The following IL36G variants were observed in gnomAD, a reference collection of about 807,000 sequenced individuals.
The protein encoded by IL36G is interleukin-36 gamma.
A neutral mutation model predicts 13.5 loss-of-function variants in IL36G; 10 were observed. The observed-to-expected ratio is 0.74, with a 90% CI of 0.46 to 1.26. The LOEUF is 1.26. IL36G is among the 50% of genes most tolerant of loss of function. The pLI is 0.00. For missense variants in IL36G, 199 were observed against 203.0 expected (o/e 0.98, Z 0.12); for synonymous variants, 84 against 74.0 (o/e 1.13, Z -0.69).
At chr2:112,979,917 C>G in intron 3 of IL36G, 92 bp from the exon 4 acceptor site, 1 of 1,296,338 alleles carries the variant, frequency 7.7e-7, no homozygotes, top group Non-Finnish European at 1.1e-6. Flanking sequence ...CAGCTCTCTT[C>G]CAGATCCACT....
At chr2:112,982,305 T>C (rs1021525876) in intron 4 of IL36G, among the ~76,000 whole-genome samples, 1 of 152,174 alleles carries the variant, frequency 6.6e-6, no homozygotes, top group Non-Finnish European at 1.5e-5. Flanking sequence ...TGAGGGCACG[T>C]CCCAGGACCA....
At chr2:112,981,176 G>A in intron 4 of IL36G, 3 of 1,190,958 alleles carry the variant, frequency 2.5e-6, no homozygotes, top group South Asian at 2.4e-5. Flanking sequence ...CTTGGCATCT[G>A]CAGCACCTTC....
At chr2:112,980,321 A>G (rs1684240633) in intron 4 of IL36G, among the ~76,000 whole-genome samples, 173 bp downstream of exon 4, 1 of 151,878 alleles carries the variant, frequency 6.6e-6, no homozygotes, top group South Asian at 2.1e-4. Flanking sequence ...GGCTGTCAGT[A>G]GTTAAGGTCC....
chr2:112,981,328 A>G (rs1684257624), intron 4 of IL36G: 1 of 855,238 alleles, frequency 1.2e-6, no homozygotes, highest in Non-Finnish European at 2.0e-6. Context: ...TGGCCTCTGG[A>G]TTTGGAGGAG....
At chr2:112,980,171 T>A in intron 4 of IL36G, 23 bp downstream of exon 4, 1 of 1,601,646 alleles carries the variant, frequency 6.2e-7, no homozygotes, top group Non-Finnish European at 8.5e-7. Context: ...GAAAAATATT[T>A]AAAAAGCCTT....
At chr2:112,978,469 T>C (rs1684203041) in intron 1 of IL36G, among the ~76,000 whole-genome samples, 151 bp from the exon 2 acceptor site, 1 of 152,190 alleles carries the variant, frequency 6.6e-6, no homozygotes, top group African/African-American at 2.4e-5. Context: ...TCAAGTTTCG[T>C]CCCAGATGTG....
At chr2:112,980,944 G>A (rs1684250443) in intron 4 of IL36G, among the ~76,000 whole-genome samples, 1 of 152,206 alleles carries the variant, frequency 6.6e-6, no homozygotes, top group Admixed American at 6.5e-5. Flanking sequence ...AAACTAGAAG[G>A]GAAAGGTGTT....
In IL36G at chr2:112,980,194, T is replaced by C. The variant is rs375914291; in HGVS notation, c.300+46T>C. 2.3e-4 allele frequency: 360 copies of C among 1,536,090 alleles called. 5 individuals are homozygous for C. In the South Asian group the frequency reaches 3.8e-3, roughly 16 times the overall value. ...TTTAAAAAGCCTTTCCTTTTAGAAG[T>C]GTTTGGTTGAATACCTAATTTTAGA... On this transcript the variant is annotated intron_variant, in intron 4 of 4. Transcript: ENST00000259205.
chr2:112,980,170 T>C, intron 4 of IL36G, 22 bp downstream of exon 4: 2 of 1,601,936 alleles, frequency 1.2e-6, no homozygotes, highest in Non-Finnish European at 1.7e-6. Context: ...AGAAAAATAT[T>C]TAAAAAGCCT....
In IL36G at chr2:112,979,252, T is replaced by A; in HGVS notation, c.87T>A (p.Asp29Glu). ...AACCTATTACTGGGACTATTAATGA[T>A]TTGAATCAGCAAGTGTGGACCCTTC... ...MCKPITGTINDLNQQVWTLQG... is the reference protein window; with the variant it reads ...MCKPITGTINELNQQVWTLQG... Residue 29 changes from aspartate to glutamate, a missense_variant, in exon 3 of 5, where the codon GAT becomes GAA. By Grantham distance (45) the Asp-to-Glu change is conservative. Coordinates refer to ENST00000259205, the MANE Select transcript of IL36G (RefSeq NM_019618.4). 1.2e-6 allele frequency: 2 copies of A among 1,612,366 alleles called. No homozygotes were observed. Among genetic ancestry groups the A allele is most frequent in the Non-Finnish European group, 1.7e-6 (2 of 1,178,362 alleles).
At chr2:112,983,457 T>A (rs1684302648) in intron 4 of IL36G, among the ~76,000 whole-genome samples, 1 of 152,108 alleles carries the variant, frequency 6.6e-6, no homozygotes, top group Admixed American at 6.6e-5. Context: ...GGAGGGAGGA[T>A]TCCAAACCGA....
In IL36G at chr2:112,978,661, C is replaced by T; in HGVS notation, c.23C>T (p.Ala8Val). 6.2e-7 allele frequency: 1 copy of T among 1,614,182 alleles called. No homozygotes were observed. Among genetic ancestry groups the T allele is most frequent in the Non-Finnish European group, 8.5e-7 (1 of 1,180,028 alleles). ...ACTATGAGAGGCACTCCAGGAGACGCTGATGGTGGAGGAAGGGCCGTCTAT... is the reference window on the plus strand; with the variant it reads ...ACTATGAGAGGCACTCCAGGAGACGTTGATGGTGGAGGAAGGGCCGTCTAT... MRGTPGD[A>V]DGGGRAVYQS... The change falls in exon 2 of 5, where the codon GCT (alanine) becomes GTT (valine). Residue 8 changes from alanine to valine, a missense_variant. Physicochemically the swap from Ala to Val is moderately conservative, Grantham distance 64. Transcript: ENST00000259205.
At chr2:112,981,203 C>T (rs1356367989) in intron 4 of IL36G, 2 of 1,257,904 alleles carry the variant, frequency 1.6e-6, no homozygotes, top group Non-Finnish European at 2.3e-6. Context: ...CTGTGCCTTC[C>T]CTGTTTTGGC....
chr2:112,981,090 A>G, intron 4 of IL36G: 1 of 765,110 alleles, frequency 1.3e-6, no homozygotes, highest in Non-Finnish European at 2.3e-6. Context: ...GCATTTTTAT[A>G]AAACTTGATA....
At chr2:112,981,618 C>T (rs1185968396) in intron 4 of IL36G, among the ~76,000 whole-genome samples, 1 of 152,208 alleles carries the variant, frequency 6.6e-6, no homozygotes, top group Non-Finnish European at 1.5e-5. Context: ...TTTGGAATTC[C>T]TATTCATCCA....
chr2:112,979,114 C>T (rs1208684783), intron 2 of IL36G, 107 bp from the exon 3 acceptor site: 2 of 703,518 alleles, frequency 2.8e-6, no homozygotes. Flanking sequence ...GATGCAAACC[C>T]CACACCTTCC....
intron 4 of IL36G, among the ~76,000 whole-genome samples, chr2:112,982,934 G>C (rs1042910495): frequency 6.6e-6 from 1 of 152,164 alleles, no homozygotes; most frequent in South Asian, 2.1e-4. Flanking sequence ...TGGTGGCGGT[G>C]GTGGGTAAGC....
At chr2:112,978,557 A>T in intron 1 of IL36G, 63 bp from the exon 2 acceptor site, 1 of 1,269,342 alleles carries the variant, frequency 7.9e-7, no homozygotes, top group Non-Finnish European at 1.2e-6. Flanking sequence ...CTGTGGAGCT[A>T]GTGTCCTGGA....
At chr2:112,978,552 G>A in intron 1 of IL36G, 68 bp from the exon 2 acceptor site, 8 of 1,235,466 alleles carry the variant, frequency 6.5e-6, no homozygotes, top group Middle Eastern at 1.9e-4. Context: ...AGGGCCTGTG[G>A]AGCTAGTGTC....
Sources: allele counts gnomAD v4.1 joint callset (sites outside exome capture counted in the v4.1 genomes callset), GRCh38; gene constraint gnomAD v4.1.1; transcripts MANE v1.5; gene names NCBI Gene and HGNC (gene_info 2026-07-23, HGNC 2026-07-21).